The following TAFA2 variants were observed in gnomAD, a reference collection of about 807,000 sequenced individuals.
TAFA2 encodes chemokine-like protein TAFA-2.
TAFA2 carries 7 observed loss-of-function variants against 18.8 expected under a neutral mutation model. The ratio of observed to expected loss-of-function variants is 0.37; its 90% confidence interval spans 0.21 to 0.70. The LOEUF is 0.70. TAFA2 is among the 30% of genes least tolerant of loss of function. The pLI, the probability that TAFA2 is intolerant of heterozygous loss-of-function variation, is 0.53. For synonymous variants in TAFA2, 60 were observed against 54.2 expected (o/e 1.11, Z -0.47); for missense variants, 122 against 158.1 (o/e 0.77, Z 1.23).
intron 1 of TAFA2, among the ~76,000 whole-genome samples, chr12:62,109,495 G>T (rs912086740): frequency 7.9e-5 from 12 of 151,998 alleles, no homozygotes; most frequent in Non-Finnish European, 1.5e-4. Flanking sequence ...AATTTAAAGT[G>T]GTTTTTTCTA....
At chr12:61,972,620 T>C (rs1431548470) in intron 1 of TAFA2, among the ~76,000 whole-genome samples, 1 of 151,644 alleles carries the variant, frequency 6.6e-6, no homozygotes, top group Non-Finnish European at 1.5e-5. Flanking sequence ...AGTAAATAAC[T>C]GGGCAGAATG....
intron 1 of TAFA2, among the ~76,000 whole-genome samples, chr12:61,903,978 T>A (rs1026138192): frequency 3.3e-5 from 5 of 152,324 alleles, no homozygotes; most frequent in African/African-American, 1.2e-4. Context: ...GTCCTGCTAT[T>A]CTTTTCAAGA....
chr12:61,956,752 T>A (rs1387989660), intron 1 of TAFA2, among the ~76,000 whole-genome samples: 2 of 152,076 alleles, frequency 1.3e-5, no homozygotes, highest in African/African-American at 4.8e-5. Context: ...GAAAGTGATT[T>A]TAAAAGAGGA....
intron 1 of TAFA2, among the ~76,000 whole-genome samples, chr12:61,963,899 G>C (rs1397552278): frequency 6.6e-6 from 1 of 151,922 alleles, no homozygotes; most frequent in Non-Finnish European, 1.5e-5. Flanking sequence ...CAATGGAACA[G>C]AACAGAGGCT....
chr12:62,231,129 G>A (rs1250115048), intron 1 of TAFA2, among the ~76,000 whole-genome samples: 2 of 152,200 alleles, frequency 1.3e-5, no homozygotes, highest in Non-Finnish European at 2.9e-5. Context: ...ATTACTAAGA[G>A]CTGGGTGTTG....
intron 1 of TAFA2, among the ~76,000 whole-genome samples, chr12:61,921,435 C>T (rs1484878168): frequency 2.0e-5 from 3 of 152,122 alleles, no homozygotes; most frequent in South Asian, 2.1e-4. Context: ...CAAGGAGGAC[C>T]TTAAAATTTT....
intron 1 of TAFA2, among the ~76,000 whole-genome samples, chr12:61,876,722 G>A (rs1874862239): frequency 6.6e-6 from 1 of 151,754 alleles, no homozygotes; most frequent in South Asian, 2.1e-4. Context: ...AAAAAAGATA[G>A]TAGTTATGTG....
At chr12:61,839,932 T>C (rs1873101708) in intron 2 of TAFA2, among the ~76,000 whole-genome samples, 1 of 151,754 alleles carries the variant, frequency 6.6e-6, no homozygotes, top group African/African-American at 2.4e-5. Flanking sequence ...TGAGAAAAAA[T>C]TAGCCAGGCA....
intron 1 of TAFA2, among the ~76,000 whole-genome samples, chr12:62,104,319 T>C (rs1378165489): frequency 6.6e-6 from 1 of 151,758 alleles, no homozygotes; most frequent in Non-Finnish European, 1.5e-5. Flanking sequence ...TCTTTTTACA[T>C]AATATTGATT....
At chr12:61,727,837 G>A in intron 4 of TAFA2, among the ~76,000 whole-genome samples, 1 of 151,866 alleles carries the variant, frequency 6.6e-6, no homozygotes, top group East Asian at 1.9e-4. Context: ...ACTTTTTAAT[G>A]TAGGCATTCA....
At chr12:62,056,100 A>G (rs1169331577) in intron 1 of TAFA2, among the ~76,000 whole-genome samples, 4 of 152,192 alleles carry the variant, frequency 2.6e-5, no homozygotes, top group African/African-American at 9.7e-5. Flanking sequence ...GGCCGAATTC[A>G]TTCCTGATAT....
chr12:62,174,879 A>ATAT (rs1164814542), intron 1 of TAFA2, among the ~76,000 whole-genome samples: 1 of 152,198 alleles, frequency 6.6e-6, no homozygotes, highest in African/African-American at 2.4e-5. Flanking sequence ...CACTTATCAT[A>ATAT]ATTTGCAGAT....
intron 1 of TAFA2, among the ~76,000 whole-genome samples, chr12:62,042,542 G>C (rs926103737): frequency 6.6e-6 from 1 of 151,920 alleles, no homozygotes; most frequent in Non-Finnish European, 1.5e-5. Context: ...CCTGAATTCT[G>C]TTCTAGTACC....
intron 1 of TAFA2, among the ~76,000 whole-genome samples, chr12:62,255,785 C>T (rs1199387666): frequency 2.0e-5 from 3 of 151,958 alleles, no homozygotes; most frequent in Admixed American, 6.6e-5. Flanking sequence ...ACTTGAGAGG[C>T]GAAGGTTGCA....
chr12:62,150,877 G>A (rs934945620), intron 1 of TAFA2, among the ~76,000 whole-genome samples: 5 of 150,398 alleles, frequency 3.3e-5, no homozygotes, highest in African/African-American at 1.2e-4. Context: ...GCAACACAGT[G>A]AGACCCTGTC....
At chr12:62,027,258 C>T (rs551255830) in intron 1 of TAFA2, among the ~76,000 whole-genome samples, 2 of 152,182 alleles carry the variant, frequency 1.3e-5, no homozygotes, top group Non-Finnish European at 2.9e-5. Flanking sequence ...AAAGAATTAA[C>T]ATGCAGCATA....
At chr12:61,958,091 T>G (rs1878759421) in intron 1 of TAFA2, among the ~76,000 whole-genome samples, 1 of 152,114 alleles carries the variant, frequency 6.6e-6, no homozygotes, top group African/African-American at 2.4e-5. Context: ...TACAAAGACC[T>G]AAATGTGAAC....
At chr12:62,051,415 A>T (rs1882051667) in intron 1 of TAFA2, among the ~76,000 whole-genome samples, 1 of 152,162 alleles carries the variant, frequency 6.6e-6, no homozygotes, top group Non-Finnish European at 1.5e-5. Flanking sequence ...TAGAAAAATG[A>T]ATCAAACACA....
At chr12:62,220,090 C>T (rs1239857518) in intron 1 of TAFA2, among the ~76,000 whole-genome samples, 1 of 151,708 alleles carries the variant, frequency 6.6e-6, no homozygotes, top group Non-Finnish European at 1.5e-5. Flanking sequence ...AAAGGCAAAA[C>T]CTCACTAGAG....
Sources: allele counts gnomAD v4.1 joint callset (sites outside exome capture counted in the v4.1 genomes callset), GRCh38; gene constraint gnomAD v4.1.1; transcripts MANE v1.5; gene names NCBI Gene and HGNC (gene_info 2026-07-23, HGNC 2026-07-21).